Variants in SNAP25 observed in about 807,000 individuals in gnomAD.
SNAP25 encodes the protein synaptosomal-associated protein 25.
A neutral mutation model predicts 28.7 loss-of-function variants in SNAP25; 3 were observed. The ratio of observed to expected loss-of-function variants is 0.10; its 90% CI spans 0.05 to 0.27. The LOEUF is 0.27. Among genes scored for constraint, SNAP25 ranks in the 10% least tolerant of loss-of-function variants. The pLI, the probability that SNAP25 is intolerant of heterozygous loss-of-function variation, is 1.00. For missense variants in SNAP25, 117 were observed against 278.7 expected, an observed-to-expected ratio of 0.42 and a Z score of 4.13; for synonymous variants, 61 against 88.1, an observed-to-expected ratio of 0.69 and a Z score of 1.72.
At chr20:10,256,256 G>A (rs1423438372) in intron 1 of SNAP25, among the ~76,000 whole-genome samples, 3 of 152,206 alleles carry the variant, frequency 2.0e-5, no homozygotes, top group Admixed American at 6.5e-5. Context: ...AAGTCTATCC[G>A]CTATTACGAA....
At chr20:10,219,885 G>T (rs1434241407) in intron 1 of SNAP25, 1 of 152,284 alleles carries the variant, frequency 6.6e-6, no homozygotes, top group Non-Finnish European at 1.5e-5. Context: ...ACAATTTCCT[G>T]TTCCCCTCCT....
chr20:10,227,068 T>C (rs1268021762), intron 1 of SNAP25, among the ~76,000 whole-genome samples: 1 of 152,112 alleles, frequency 6.6e-6, no homozygotes, highest in Non-Finnish European at 1.5e-5. Context: ...CAATCCACTT[T>C]CCTCCTCTGA....
In SNAP25 at chr20:10,306,168, C is replaced by T. The variant is rs761188034; in HGVS notation, c.592C>T (p.Arg198Cys). The change falls in exon 8 of 8, where the codon CGT becomes TGT. Residue 198 changes from arginine to cysteine, a missense_variant. By Grantham distance (180) the Arg-to-Cys change is radical (BLOSUM62 -3). Coordinates refer to ENST00000254976, the MANE Select transcript of SNAP25 (RefSeq NM_130811.4). ...AACCAGAATTGATGAGGCCAACCAA[C>T]GTGCAACAAAGATGCTGGGAAGTGG... ...NKTRIDEANQRATKMLGSG is the reference protein window; with the variant it reads ...NKTRIDEANQCATKMLGSG 1.2e-6 allele frequency: 2 copies of T among 1,613,662 alleles called. No homozygotes were observed. Among genetic ancestry groups the T allele is most frequent in the Non-Finnish European group, 8.5e-7 (1 of 1,179,820 alleles).
intron 7 of SNAP25, among the ~76,000 whole-genome samples, chr20:10,300,977 A>G (rs2064222181): frequency 6.6e-6 from 1 of 151,966 alleles, no homozygotes; most frequent in Non-Finnish European, 1.5e-5. Flanking sequence ...CAACAGAAAA[A>G]ACAATTTGAA....
At chr20:10,229,687 G>A (rs748073822) in intron 1 of SNAP25, among the ~76,000 whole-genome samples, 10 of 152,178 alleles carry the variant, frequency 6.6e-5, no homozygotes, top group South Asian at 2.1e-4. Context: ...TTAGGCTATC[G>A]TTGCTTGTTT....
At chr20:10,238,364 A>C (rs2122716990) in intron 1 of SNAP25, among the ~76,000 whole-genome samples, 1 of 152,320 alleles carries the variant, frequency 6.6e-6, no homozygotes, top group Non-Finnish European at 1.5e-5. Flanking sequence ...TACTGTGGTT[A>C]ATATTTTAAA....
intron 1 of SNAP25, among the ~76,000 whole-genome samples, chr20:10,227,976 G>A (rs1250379005): frequency 6.6e-6 from 1 of 152,056 alleles, no homozygotes; most frequent in Admixed American, 6.5e-5. Flanking sequence ...GTGTCCTTCA[G>A]AGACACCAGT....
intron 4 of SNAP25, among the ~76,000 whole-genome samples, chr20:10,285,694 A>G (rs2063863281): frequency 2.0e-5 from 3 of 151,968 alleles, no homozygotes; most frequent in South Asian, 2.1e-4. Flanking sequence ...GTGGGGGGGA[A>G]CGTGCCTGAC....
intron 6 of SNAP25, among the ~76,000 whole-genome samples, chr20:10,297,998 A>AAC (rs1555794981): frequency 5.1e-4 from 77 of 151,840 alleles, no homozygotes; most frequent in African/African-American, 1.7e-3. Context: ...AAAAAAAAAA[A>AAC]CTCAAGTTAC....
chr20:10,226,434 C>A (rs2062735264), intron 1 of SNAP25, among the ~76,000 whole-genome samples: 2 of 152,100 alleles, frequency 1.3e-5, no homozygotes, highest in Non-Finnish European at 2.9e-5. Context: ...ATTAATTAAT[C>A]CATTGAACAA....
rs71332917 is a variant in SNAP25 at position 10,224,257 on chromosome 20, C to CTTTTT, written c.-64+5311_-64+5315dup. Among the ~76,000 whole-genome samples, 161 of 17,362 alleles carry CTTTTT rather than the reference C, an allele frequency of 9.3e-3. 30 individuals are homozygous for CTTTTT. The highest frequency in any genetic ancestry group is 0.018 in the African/African-American group (66 of 3,678). The allele number at this position is 17,362 out of a possible 152,430, so 11.4% of individuals were successfully genotyped here. On this transcript the variant is annotated intron_variant, in intron 1 of 7. Transcript: ENST00000254976. ...AATAAGGCATAGAGAATGTACATGT[C>CTTTTT]TTTTTTTTTTTTTTTTTTTTTTTTT...
chr20:10,253,871 G>T (rs1281503554), intron 1 of SNAP25, among the ~76,000 whole-genome samples: 2 of 152,142 alleles, frequency 1.3e-5, no homozygotes, highest in East Asian at 3.9e-4. Flanking sequence ...CACCCACAAA[G>T]GGGCTGACCA....
chr20:10,252,071 C>A (rs1376504755), intron 1 of SNAP25, among the ~76,000 whole-genome samples: 14 of 152,182 alleles, frequency 9.2e-5, no homozygotes, highest in Admixed American at 9.2e-4. Context: ...AGTTAACAGG[C>A]CCTATGTGCC....
intron 3 of SNAP25, among the ~76,000 whole-genome samples, chr20:10,278,783 A>G (rs2063732356): frequency 6.6e-6 from 1 of 152,066 alleles, no homozygotes; most frequent in South Asian, 2.1e-4. Flanking sequence ...CTCACACTCT[A>G]GGAGCCAATG....
intron 1 of SNAP25, among the ~76,000 whole-genome samples, chr20:10,269,367 A>G (rs2063555047): frequency 6.6e-6 from 1 of 152,084 alleles, no homozygotes; most frequent in Non-Finnish European, 1.5e-5. Context: ...GTGCCACCGC[A>G]CTCCCACCTG....
At chr20:10,282,852 C>T (rs577911360) in intron 3 of SNAP25, among the ~76,000 whole-genome samples, 1 of 152,316 alleles carries the variant, frequency 6.6e-6, no homozygotes, top group Admixed American at 6.5e-5. Context: ...GCAAATAAAT[C>T]ATTAAAATAC....
At chr20:10,304,640 C>T (rs1035341009) in intron 7 of SNAP25, among the ~76,000 whole-genome samples, 2 of 152,198 alleles carry the variant, frequency 1.3e-5, no homozygotes, top group Non-Finnish European at 2.9e-5. Flanking sequence ...CTTCAGTACA[C>T]ATTAAGCAAT....
At chr20:10,258,488 GCAA>G (rs1177522654) in intron 1 of SNAP25, among the ~76,000 whole-genome samples, 1 of 152,212 alleles carries the variant, frequency 6.6e-6, no homozygotes, top group Non-Finnish European at 1.5e-5. Flanking sequence ...GACTGATCCA[GCAA>G]CAACATCTTA....
intron 1 of SNAP25, among the ~76,000 whole-genome samples, chr20:10,220,364 T>G (rs1251731278): frequency 6.6e-6 from 1 of 152,232 alleles, no homozygotes; most frequent in African/African-American, 2.4e-5. Context: ...CTGGAAGTAT[T>G]TGCTATCAGC....
Sources: allele counts gnomAD v4.1 joint callset (sites outside exome capture counted in the v4.1 genomes callset), GRCh38; gene constraint gnomAD v4.1.1; transcripts MANE v1.5; gene names NCBI Gene and HGNC (gene_info 2026-07-23, HGNC 2026-07-21).